Variants in C4orf33 observed in about 807,000 individuals in gnomAD.
C4orf33 encodes chromosome 4 open reading frame 33.
A neutral mutation model predicts 24.3 loss-of-function variants in C4orf33; 20 were observed. The observed-to-expected ratio is 0.82, with a 90% CI of 0.58 to 1.19. The LOEUF (loss-of-function observed/expected upper bound fraction) is 1.19, where lower values mean the gene tolerates loss of function less well. Among genes scored for constraint, C4orf33 ranks in the 50% most tolerant of loss-of-function variants. The pLI is 0.00. For missense variants in C4orf33, 207 were observed against 225.9 expected (o/e 0.92, Z 0.54); for synonymous variants, 67 against 76.4 (o/e 0.88, Z 0.64).
upstream of C4orf33, among the ~76,000 whole-genome samples, chr4:129,094,714 T>A (rs1264365692): frequency 6.6e-6 from 1 of 152,164 alleles, no homozygotes; most frequent in Non-Finnish European, 1.5e-5. Flanking sequence ...TTTGAGTTGG[T>A]GATAATTGAA....
chr4:129,099,251 G>A (rs963034933), intron 1 of C4orf33, among the ~76,000 whole-genome samples: 4 of 152,156 alleles, frequency 2.6e-5, no homozygotes, highest in Non-Finnish European at 5.9e-5. Flanking sequence ...GTACCTCATT[G>A]ATTAGTTACA....
Position 129,113,207 on chromosome 4 carries a change from T to G in C4orf33, c.*1416T>G, listed in dbSNP as rs1430573885. The stretch of plus-strand genomic sequence containing the variant: ...AAATACTGAATTTGAATGTTGTAGC[T>G]TGTGAGCTTTCTCAAATCTAATGTG... On this transcript the variant is annotated 3_prime_UTR_variant, in exon 6 of 6. Transcript: ENST00000425929. 5 of 152,196 alleles carry G rather than the reference T, an allele frequency of 3.3e-5. No individual in the cohort carries two copies. The East Asian group carries it at 9.6e-4, about 29-fold the overall frequency. 9.4% of individuals were successfully genotyped at this position (152,196 alleles called of 1,614,324 possible).
chr4:129,098,376 T>C (rs988534406), intron 1 of C4orf33, among the ~76,000 whole-genome samples: 1 of 152,162 alleles, frequency 6.6e-6, no homozygotes, highest in Non-Finnish European at 1.5e-5. Context: ...TTTATGTCCA[T>C]GAGTACCTAC....
chr4:129,108,788 A>G (rs754045223), intron 3 of C4orf33, among the ~76,000 whole-genome samples: 3 of 152,236 alleles, frequency 2.0e-5, no homozygotes, highest in Non-Finnish European at 4.4e-5. Flanking sequence ...ATGAAACTTT[A>G]TGCATTTGGT....
chr4:129,097,802 T>G (rs1325144697), intron 1 of C4orf33, among the ~76,000 whole-genome samples: 1 of 152,230 alleles, frequency 6.6e-6, no homozygotes, highest in Non-Finnish European at 1.5e-5. Context: ...ATAAATGATT[T>G]TTTTCTCAAT....
At chr4:129,105,521 A>G (rs1035426543) in intron 2 of C4orf33, among the ~76,000 whole-genome samples, 2 of 152,244 alleles carry the variant, frequency 1.3e-5, no homozygotes, top group African/African-American at 4.8e-5. Context: ...AAAAGGGACA[A>G]TAAGATTCTC....
chr4:129,099,415 T>A (rs1753289814), intron 1 of C4orf33, among the ~76,000 whole-genome samples: 1 of 152,212 alleles, frequency 6.6e-6, no homozygotes, highest in Non-Finnish European at 1.5e-5. Flanking sequence ...GCCATTGTAT[T>A]GATCTGATAT....
intron 5 of C4orf33, chr4:129,110,022 G>T (rs1368021079): frequency 1.9e-6 from 2 of 1,057,090 alleles, no homozygotes; most frequent in African/African-American, 1.7e-5. Context: ...AGTGTTTCCT[G>T]GTGTGAACAA....
intron 1 of C4orf33, among the ~76,000 whole-genome samples, chr4:129,097,008 A>C (rs1422916962): frequency 6.6e-6 from 1 of 152,176 alleles, no homozygotes; most frequent in Non-Finnish European, 1.5e-5. Flanking sequence ...CTCCGGGTTC[A>C]AGCGATTCTT....
chr4:129,097,266 T>C (rs1290249647), intron 1 of C4orf33, among the ~76,000 whole-genome samples: 3 of 152,222 alleles, frequency 2.0e-5, no homozygotes, highest in Non-Finnish European at 2.9e-5. Flanking sequence ...TGTCATAGTG[T>C]AAAATGCAGA....
At chr4:129,111,364 A>G (rs558665581) in intron 5 of C4orf33, among the ~76,000 whole-genome samples, 1 of 152,364 alleles carries the variant, frequency 6.6e-6, no homozygotes, top group African/African-American at 2.4e-5. Flanking sequence ...GAATATAAAA[A>G]CATATGCAAG....
At chr4:129,103,224 T>G (rs985435570) in intron 2 of C4orf33, among the ~76,000 whole-genome samples, 1 of 152,038 alleles carries the variant, frequency 6.6e-6, no homozygotes, top group African/African-American at 2.4e-5. Flanking sequence ...TTTCACTGTG[T>G]TAGCCAGGAT....
upstream of C4orf33, chr4:129,093,769 C>T (rs1268416200): frequency 1.3e-5 from 2 of 153,142 alleles, no homozygotes; most frequent in African/African-American, 4.8e-5. Context: ...ACAGTGTCTC[C>T]AGGTAGTGAG....
At position 129,112,587 on chromosome 4, in the gene C4orf33, C is replaced by T. The variant is rs963317374; in HGVS notation, c.*796C>T. 1 of 152,016 alleles carries T rather than the reference C, an allele frequency of 6.6e-6. No individual in the cohort carries two copies. The highest frequency in any genetic ancestry group is 1.5e-5 in the Non-Finnish European group (1 of 67,964). 9.4% of individuals were successfully genotyped at this position (152,016 alleles called of 1,614,324 possible). ...CATATATTTGTCAACATTCCTCATG[C>T]TGTATGTTTAGATTTGTGATTTTAC... On this transcript the variant is annotated 3_prime_UTR_variant, in exon 6 of 6. Transcript: ENST00000425929.
At chr4:129,105,205 G>A (rs1029087418) in intron 2 of C4orf33, among the ~76,000 whole-genome samples, 4 of 152,158 alleles carry the variant, frequency 2.6e-5, no homozygotes, top group African/African-American at 9.7e-5. Flanking sequence ...CAGCCAGCTG[G>A]AGAGTCTATG....
chr4:129,115,639 C>T lies in C4orf33; in HGVS notation c.*3848C>T, dbSNP rs1215301694. 6.6e-6 allele frequency: 1 copy of T among 151,852 alleles called. No individual in the cohort carries two copies. The highest frequency in any genetic ancestry group is 2.4e-5 in the African/African-American group (1 of 41,342). 9.4% of individuals were successfully genotyped at this position (151,852 alleles called of 1,614,324 possible). On this transcript the variant is annotated 3_prime_UTR_variant, in exon 6 of 6. Coordinates refer to ENST00000425929, the MANE Select transcript of C4orf33 (RefSeq NM_001099783.2). ...AAAAATGCAATCTTAGATTGGCTTG[C>T]TTTATTTAATTTTTCCAAAGTTCCC...
In C4orf33 at chr4:129,106,605, T is replaced by C; in HGVS notation, c.200T>C (p.Leu67Ser). The C allele has an allele frequency of 2.6e-6, 4 of 1,546,874 alleles. No individual in the cohort carries two copies. Among genetic ancestry groups the C allele is most frequent in the Non-Finnish European group, 3.5e-6 (4 of 1,132,776 alleles). Residue 67 changes from leucine to serine, a missense_variant, in exon 3 of 6, where the codon TTG (leucine) becomes TCG (serine). Leu to Ser is a moderately radical substitution (Grantham distance 145). Transcript: ENST00000425929. ...WDYEVVEAFF[L>S]NDITEQYLEV... The stretch of plus-strand genomic sequence containing the variant: ...TCAAAAGTTGTGGAAGCATTTTTCT[T>C]GAATGATATAACTGAGCAATATTTA...
At position 129,109,320 on chromosome 4, in the gene C4orf33, T is replaced by A; in HGVS notation, c.256T>A (p.Leu86Ile). Residue 86 changes from leucine (L) to isoleucine (I), a missense_variant, in exon 4 of 6, where the codon TTA becomes ATA. Leu to Ile is a conservative substitution (Grantham distance 5, BLOSUM62 2). Transcript: ENST00000425929. Reference sequence around the variant, plus strand: ...TAATTTTGACAGCCACGGACAGCATTTAGTGCTTTTACTTTCTGGAAGAAG... The same window carrying A: ...TAATTTTGACAGCCACGGACAGCATATAGTGCTTTTACTTTCTGGAAGAAG... Reference protein sequence around the residue: ...EVELCPHGQHLVLLLSGRRNV... With the variant: ...EVELCPHGQHIVLLLSGRRNV... 6.2e-7 allele frequency: 1 copy of A among 1,614,094 alleles called. No homozygotes were observed. Among genetic ancestry groups the A allele is most frequent in the Non-Finnish European group, 8.5e-7 (1 of 1,179,940 alleles).
rs1561095059 is a variant in C4orf33 at position 129,115,831 on chromosome 4, A to AT, written c.*4040_*4041insT. The AT allele has an allele frequency of 2.3e-3, 99 of 43,728 alleles. 1 individual carries two copies. Among genetic ancestry groups the AT allele is most frequent in the Non-Finnish European group, 3.3e-3 (56 of 17,060 alleles). 2.7% of individuals were successfully genotyped at this position (43,728 alleles called of 1,614,324 possible). On this transcript the variant is annotated 3_prime_UTR_variant, in exon 6 of 6. Transcript: ENST00000425929. ...ATATATATATATATATATATATATA[A>AT]AATATATATGTTTATATATAACATA...
Sources: allele counts gnomAD v4.1 joint callset (sites outside exome capture counted in the v4.1 genomes callset), GRCh38; gene constraint gnomAD v4.1.1; transcripts MANE v1.5; gene names NCBI Gene and HGNC (gene_info 2026-07-23, HGNC 2026-07-21).